TXNDC16: variants seen among roughly 807,000 people sequenced by gnomAD.
TXNDC16 encodes thioredoxin domain-containing protein 16.
A neutral mutation model predicts 85.6 loss-of-function variants in TXNDC16; 74 were observed. The observed-to-expected ratio is 0.86, with a 90% CI of 0.72 to 1.05. The LOEUF is 1.05. TXNDC16 is among the 50% of genes least tolerant of loss of function. The probability of loss-of-function intolerance (pLI) is 0.00; values close to 1 mark genes in which losing one functional copy is unlikely to be tolerated. For synonymous variants in TXNDC16, 335 were observed against 326.5 expected, an observed-to-expected ratio of 1.03 and a Z score of -0.28; for missense variants, 959 against 947.0, an observed-to-expected ratio of 1.01 and a Z score of -0.17.
At chr14:52,546,016 T>C (rs1486862824) in intron 1 of TXNDC16, among the ~76,000 whole-genome samples, 1 of 152,070 alleles carries the variant, frequency 6.6e-6, no homozygotes, top group African/African-American at 2.4e-5. Flanking sequence ...CCAGCCACGG[T>C]GGCTCACGCT....
intron 16 of TXNDC16, among the ~76,000 whole-genome samples, chr14:52,468,579 CA>C (rs1206419601): frequency 6.6e-6 from 1 of 152,122 alleles, no homozygotes; most frequent in African/African-American, 2.4e-5. Context: ...AGTAAAACTC[CA>C]TTTTAAAAAG....
At chr14:52,453,083 G>A (rs892118990) in intron 18 of TXNDC16, among the ~76,000 whole-genome samples, 2 of 152,132 alleles carry the variant, frequency 1.3e-5, no homozygotes, top group African/African-American at 4.8e-5. Context: ...ATGAAAAGGT[G>A]CTCAACATCA....
intron 18 of TXNDC16, among the ~76,000 whole-genome samples, chr14:52,445,730 C>T (rs1029802912): frequency 2.6e-5 from 4 of 152,096 alleles, no homozygotes; most frequent in Non-Finnish European, 4.4e-5. Context: ...GTTACAAGAG[C>T]CTACAGTATT....
At chr14:52,456,983 T>C (rs1489069015) in intron 17 of TXNDC16, 107 bp downstream of exon 17, 18 of 766,332 alleles carry the variant, frequency 2.3e-5, no homozygotes, top group South Asian at 7.0e-5. Context: ...TTTCTTTAGA[T>C]TGCTACCTTA....
chr14:52,480,736 A>G (rs2036124950), intron 14 of TXNDC16, among the ~76,000 whole-genome samples: 2 of 152,008 alleles, frequency 1.3e-5, no homozygotes, highest in Non-Finnish European at 2.9e-5. Context: ...AATGTAAACT[A>G]GTACAACCAC....
At chr14:52,502,710 A>G (rs957486325) in intron 9 of TXNDC16, among the ~76,000 whole-genome samples, 1 of 152,148 alleles carries the variant, frequency 6.6e-6, no homozygotes, top group Non-Finnish European at 1.5e-5. Flanking sequence ...CTCACTGGGG[A>G]TTGTCAAACA....
chr14:52,543,814 T>G (rs2037886132), intron 2 of TXNDC16, among the ~76,000 whole-genome samples, 184 bp from the exon 3 acceptor site: 1 of 152,160 alleles, frequency 6.6e-6, no homozygotes, highest in Non-Finnish European at 1.5e-5. Context: ...ACTATTGATT[T>G]TTCATACTTG....
intron 4 of TXNDC16, among the ~76,000 whole-genome samples, chr14:52,541,431 T>G (rs1470693817): frequency 1.3e-5 from 2 of 152,196 alleles, no homozygotes; most frequent in African/African-American, 2.4e-5. Context: ...ATTTAAAATT[T>G]TATTCAGAGA....
intron 8 of TXNDC16, among the ~76,000 whole-genome samples, chr14:52,513,823 A>G (rs1407832303): frequency 6.6e-6 from 1 of 152,114 alleles, no homozygotes. Flanking sequence ...CATTAACTAA[A>G]AAATATAGAG....
chr14:52,527,379 A>T (rs78328308), intron 6 of TXNDC16, among the ~76,000 whole-genome samples: 4,993 of 152,292 alleles, frequency 0.033, 124 homozygotes, highest in South Asian at 0.067. Flanking sequence ...AGACTCCTCA[A>T]ACATCTGGTC....
chr14:52,541,360 A>T (rs1169878064), intron 4 of TXNDC16, among the ~76,000 whole-genome samples: 1 of 152,174 alleles, frequency 6.6e-6, no homozygotes, highest in East Asian at 1.9e-4. Context: ...ACCAGTTACT[A>T]AACAGTATGA....
rs892598524 is a variant in TXNDC16, at chr14:52,524,733, G to T, written c.393-5440C>A. Among the ~76,000 whole-genome samples, 7 of 152,142 alleles carry T rather than the reference G, an allele frequency of 4.6e-5. No individual in the cohort carries two copies. The East Asian group carries it at 1.2e-3, about 25-fold the overall frequency. ...TGGTCTTGAACTCCTGGCCTCAAGT[G>T]ATCCTCTTTCCTTAGCCTCCCAAAG... On this transcript the variant is annotated intron_variant, in intron 6 of 20. Coordinates refer to ENST00000281741, the MANE Select transcript of TXNDC16 (RefSeq NM_020784.3).
intron 9 of TXNDC16, among the ~76,000 whole-genome samples, chr14:52,504,294 GA>G (rs2036736955): frequency 6.6e-6 from 1 of 152,134 alleles, no homozygotes; most frequent in Non-Finnish European, 1.5e-5. Flanking sequence ...TGAAATGAAG[GA>G]AAAAATGTTA....
At chr14:52,433,537 C>T (rs558931092) in intron 20 of TXNDC16, among the ~76,000 whole-genome samples, 1 of 152,276 alleles carries the variant, frequency 6.6e-6, no homozygotes, top group East Asian at 1.9e-4. Context: ...GAGCATCTCT[C>T]ATAAATTGAG....
At chr14:52,460,862 G>A (rs2035637271) in intron 16 of TXNDC16, among the ~76,000 whole-genome samples, 1 of 151,948 alleles carries the variant, frequency 6.6e-6, no homozygotes, top group African/African-American at 2.4e-5. Context: ...AAATTTATGT[G>A]CAAAAGAGAA....
intron 20 of TXNDC16, 126 bp from the exon 21 acceptor site, chr14:52,432,713 C>A: frequency 1.1e-6 from 1 of 937,068 alleles, no homozygotes; most frequent in Non-Finnish European, 1.5e-6. Context: ...TTTTACTTAT[C>A]TAAGCAAAGC....
At chr14:52,458,359 A>T (rs2140118348) in intron 16 of TXNDC16, among the ~76,000 whole-genome samples, 1 of 152,248 alleles carries the variant, frequency 6.6e-6, no homozygotes, top group African/African-American at 2.4e-5. Flanking sequence ...GGAGTTTGAG[A>T]TTAGCCTGGC....
intron 18 of TXNDC16, among the ~76,000 whole-genome samples, 181 bp from the exon 19 acceptor site, chr14:52,440,905 C>T (rs2035149437): frequency 6.6e-6 from 1 of 152,126 alleles, no homozygotes; most frequent in Non-Finnish European, 1.5e-5. Flanking sequence ...TATTCAATCC[C>T]ACCTCATCTG....
intron 16 of TXNDC16, among the ~76,000 whole-genome samples, chr14:52,458,554 A>T (rs1207325072): frequency 6.6e-6 from 1 of 152,184 alleles, no homozygotes; most frequent in Non-Finnish European, 1.5e-5. Flanking sequence ...CTCAAAAAAA[A>T]TAAAAAGAGA....
Sources: allele counts gnomAD v4.1 joint callset (sites outside exome capture counted in the v4.1 genomes callset), GRCh38; gene constraint gnomAD v4.1.1; transcripts MANE v1.5; gene names NCBI Gene and HGNC (gene_info 2026-07-23, HGNC 2026-07-21).